The following BLK variants were observed in gnomAD, a reference collection of about 807,000 sequenced individuals.
The protein encoded by BLK is tyrosine-protein kinase Blk.
BLK carries 64 observed loss-of-function variants against 61.8 expected under a neutral mutation model. The observed-to-expected ratio is 1.03, with a 90% confidence interval of 0.85 to 1.27. BLK has a LOEUF of 1.27. Among genes scored for constraint, BLK ranks in the 50% most tolerant of loss-of-function variants. The pLI, the probability that BLK is intolerant of heterozygous loss-of-function variation, is 0.00. For missense variants in BLK, 853 were observed against 660.5 expected (o/e 1.29, Z -3.19); for synonymous variants, 351 against 272.0 (o/e 1.29, Z -2.86).
rs927364845 is a variant in BLK at position 11,552,309 on chromosome 8, G to A, written c.472+2047G>A. Among the ~76,000 whole-genome samples, 5 of 152,218 alleles carry A rather than the reference G, an allele frequency of 3.3e-5. No homozygotes were observed. The East Asian group carries it at 9.6e-4, about 29-fold the overall frequency. ...GACCAGGTTGGGGAGCAGGAAGGGT[G>A]CATTGGAAAGCTGGGGTGCTCTGTG... On this transcript the variant is annotated intron_variant, in intron 6 of 12. Coordinates refer to ENST00000259089, the MANE Select transcript of BLK (RefSeq NM_001715.3).
chr8:11,539,880 T>A (rs1351876280), intron 1 of BLK, among the ~76,000 whole-genome samples: 1 of 152,234 alleles, frequency 6.6e-6, no homozygotes, highest in African/African-American at 2.4e-5. Flanking sequence ...CATTTTTCTA[T>A]TGAATGAATT....
intron 1 of BLK, chr8:11,509,364 T>C (rs897107660): frequency 2.6e-5 from 4 of 152,190 alleles, no homozygotes; most frequent in African/African-American, 9.7e-5. Context: ...GTCATTGATA[T>C]CTGACTCACA....
chr8:11,560,923 C>T (rs746346146), intron 10 of BLK: 15 of 475,038 alleles, frequency 3.2e-5, no homozygotes, highest in South Asian at 1.2e-4. Context: ...TGAGAGCTGC[C>T]TGTCCTTGCC....
Position 11,526,347 on chromosome 8 carries a change from C to A in BLK, c.-1-16877C>A, listed in dbSNP as rs902097357. ...CTTTAGGCAGTATCTGAAGTTAACA[C>A]CTGCTCACAAACACTGCTTTCAAAT... is the stretch of plus-strand genomic sequence containing the variant. On this transcript the variant is annotated intron_variant, in intron 1 of 12. Transcript: ENST00000259089. 3.0e-4 allele frequency among the ~76,000 whole-genome samples: 45 copies of A among 152,162 alleles called. 1 individual carries two copies. Among genetic ancestry groups the A allele is most frequent in the Non-Finnish European group, 4.4e-5 (3 of 68,030 alleles).
At chr8:11,553,466 G>C (rs1801014652) in intron 6 of BLK, 1 of 404,264 alleles carries the variant, frequency 2.5e-6, no homozygotes, top group Admixed American at 2.7e-5. Flanking sequence ...CATCAGGGAC[G>C]GGGCCTCAGA....
At chr8:11,560,954 C>T in intron 10 of BLK, 1 of 496,814 alleles carries the variant, frequency 2.0e-6, no homozygotes, top group Non-Finnish European at 4.0e-6. Flanking sequence ...CCTCCCCCTC[C>T]TTCCTTACCA....
intron 6 of BLK, 102 bp downstream of exon 6, chr8:11,550,364 G>A (rs1327525849): frequency 2.6e-5 from 29 of 1,129,428 alleles, no homozygotes; most frequent in Non-Finnish European, 3.7e-5. Context: ...TGACTGCCAG[G>A]AGAACCAGCA....
intron 1 of BLK, among the ~76,000 whole-genome samples, chr8:11,532,916 T>A (rs1799948460): frequency 6.6e-6 from 1 of 152,234 alleles, no homozygotes; most frequent in South Asian, 2.1e-4. Context: ...GAATAACAGT[T>A]CTGTGACTTA....
chr8:11,530,345 C>T (rs1019929068), intron 1 of BLK, among the ~76,000 whole-genome samples: 15 of 152,156 alleles, frequency 9.9e-5, no homozygotes, highest in Admixed American at 9.8e-4. Context: ...CTTTATTTGC[C>T]ACAGGTCGGG....
At position 11,548,753 on chromosome 8, in the gene BLK, G is replaced by A. The variant is rs576133040; in HGVS notation, c.270-271G>A. The stretch of plus-strand genomic sequence containing the variant: ...CAGTCCCTCACCAAGCTCTGAACAC[G>A]TCCCATTCATCAAGAGGAAGGCTGC... On this transcript the variant is annotated intron_variant, in intron 4 of 12. Transcript: ENST00000259089. 2.2e-4 allele frequency among the ~76,000 whole-genome samples: 34 copies of A among 152,312 alleles called. 1 individual carries two copies. In the South Asian group the frequency reaches 5.6e-3, roughly 25 times the overall value.
chr8:11,545,254 T>C (rs1007192516), intron 2 of BLK, among the ~76,000 whole-genome samples: 1 of 152,100 alleles, frequency 6.6e-6, no homozygotes, highest in Non-Finnish European at 1.5e-5. Context: ...CGTTTTAAAA[T>C]TGTTTATGTA....
At chr8:11,562,177 G>A (rs1801527395) in intron 11 of BLK, among the ~76,000 whole-genome samples, 1 of 152,180 alleles carries the variant, frequency 6.6e-6, no homozygotes, top group Admixed American at 6.5e-5. Context: ...AGCACACTGT[G>A]GGAAACACAG....
intron 1 of BLK, among the ~76,000 whole-genome samples, chr8:11,542,910 G>T (rs893919289): frequency 1.3e-5 from 2 of 152,100 alleles, no homozygotes; most frequent in Non-Finnish European, 2.9e-5. Flanking sequence ...AGAACACCAC[G>T]TGGCCTCCCG....
At chr8:11,545,692 T>C (rs1328805445) in intron 2 of BLK, 1 of 337,924 alleles carries the variant, frequency 3.0e-6, no homozygotes, top group African/African-American at 2.1e-5. Flanking sequence ...GGAAATATGC[T>C]TTTTAAATAT....
chr8:11,559,206 T>A (rs1585419095), intron 10 of BLK, among the ~76,000 whole-genome samples: 1 of 152,080 alleles, frequency 6.6e-6, no homozygotes, highest in East Asian at 1.9e-4. Context: ...GAATCGGGGG[T>A]GAGGAGCCAG....
intron 1 of BLK, among the ~76,000 whole-genome samples, chr8:11,529,626 T>A (rs1799808096): frequency 6.6e-6 from 1 of 152,212 alleles, no homozygotes; most frequent in African/African-American, 2.4e-5. Flanking sequence ...GCTAATTTGT[T>A]AGTCCTACAA....
intron 1 of BLK, among the ~76,000 whole-genome samples, chr8:11,501,775 T>C (rs1221531598): frequency 6.6e-6 from 1 of 152,206 alleles, no homozygotes; most frequent in African/African-American, 2.4e-5. Context: ...ACTGAAATGT[T>C]CATTCATGTT....
At chr8:11,544,297 C>G (rs1342397573) in intron 2 of BLK, among the ~76,000 whole-genome samples, 1 of 151,996 alleles carries the variant, frequency 6.6e-6, no homozygotes, top group Non-Finnish European at 1.5e-5. Flanking sequence ...TCTTTGTGCT[C>G]TCTCCACTCC....
At chr8:11,510,368 A>T (rs1488117134) in intron 1 of BLK, among the ~76,000 whole-genome samples, 1 of 152,132 alleles carries the variant, frequency 6.6e-6, no homozygotes, top group Non-Finnish European at 1.5e-5. Flanking sequence ...CTCTCTGTGA[A>T]ATGAAATGAC....
Sources: allele counts gnomAD v4.1 joint callset (sites outside exome capture counted in the v4.1 genomes callset), GRCh38; gene constraint gnomAD v4.1.1; transcripts MANE v1.5; gene names NCBI Gene and HGNC (gene_info 2026-07-23, HGNC 2026-07-21).